The following PCDHGA8 variants were observed in gnomAD, a reference collection of about 807,000 sequenced individuals.
PCDHGA8 encodes the protein protocadherin gamma-A8.
Under a neutral mutation model 59.2 loss-of-function variants are expected in PCDHGA8, and 45 were observed. The observed-to-expected ratio is 0.76, with a 90% confidence interval of 0.60 to 0.98. PCDHGA8 has a LOEUF of 0.98. Ranked by LOEUF, PCDHGA8 falls within the 50% of genes least tolerant of loss-of-function variation. The pLI is 0.00. For synonymous variants in PCDHGA8, 531 were observed against 519.0 expected, an observed-to-expected ratio of 1.02 and a Z score of -0.32; for missense variants, 1,257 against 1,196.2, an observed-to-expected ratio of 1.05 and a Z score of -0.75.
In PCDHGA8 at chr5:141,491,365, T is replaced by A. The variant is rs201011046; in HGVS notation, c.2425-3442T>A. ...CGTCAGTCTCTTATCCCTAGTCACC[T>A]TCACCTTTCTGTCAGCGAAGTGCCT... On this transcript the variant is annotated intron_variant, in intron 1 of 3. Transcript: ENST00000398604. This position sits in a 1 kb window ranked among gnomAD's most constrained non-coding sequence, Gnocchi z 6.9. 1.7e-5 allele frequency: 27 copies of A among 1,614,016 alleles called. No individual in the cohort carries two copies. The highest frequency in any genetic ancestry group is 2.0e-5 in the Non-Finnish European group (24 of 1,179,982).
At position 141,431,495 on chromosome 5, in the gene PCDHGA8, G is replaced by A. The variant is rs557611439; in HGVS notation, c.2424+36258G>A. The A allele has an allele frequency of 4.3e-6, 7 of 1,613,864 alleles. No homozygotes were observed. The highest frequency in any genetic ancestry group is 1.1e-5 in the South Asian group (1 of 91,092). On this transcript the variant is annotated intron_variant, in intron 1 of 3. Coordinates refer to ENST00000398604, the MANE Select transcript of PCDHGA8 (RefSeq NM_032088.2). This position sits in a 1 kb window ranked among gnomAD's most constrained non-coding sequence, Gnocchi z 4.8. ...CAACGCACCAGCGTTTGCTCAGCCC[G>A]AGTACCGCGCGAGCGTTCCGGAGAA...
At chr5:141,463,418 C>A (rs1442067485) in intron 1 of PCDHGA8, among the ~76,000 whole-genome samples, 3 of 138,240 alleles carry the variant, frequency 2.2e-5, no homozygotes, top group Admixed American at 7.4e-5. Context: ...TCCTAGTTTG[C>A]GGATCCTCAT....
Position 141,490,156 on chromosome 5 carries a change from G to T in PCDHGA8, c.2425-4651G>T. On this transcript the variant is annotated intron_variant, in intron 1 of 3. Coordinates refer to ENST00000398604, the MANE Select transcript of PCDHGA8 (RefSeq NM_032088.2). The surrounding 1 kb of genome is among the most constrained non-coding windows in gnomAD (Gnocchi z 5.4). ...TAGCAGTGGGGCAATCCATGTGTTG[G>T]GTCCCATAGACTTTGAGGAGTCACG... is the stretch of plus-strand genomic sequence containing the variant. 3.1e-6 allele frequency: 5 copies of T among 1,614,192 alleles called. No individual in the cohort carries two copies. Among genetic ancestry groups the T allele is most frequent in the Non-Finnish European group, 4.2e-6 (5 of 1,180,034 alleles).
intron 1 of PCDHGA8, among the ~76,000 whole-genome samples, chr5:141,463,460 T>TTTC (rs1554144872): frequency 7.4e-6 from 1 of 136,038 alleles, no homozygotes; most frequent in South Asian, 2.5e-4. Context: ...TTTTTTTTTT[T>TTTC]TTTTTTGAGA....
chr5:141,406,288 G>A (rs72790038), intron 1 of PCDHGA8, among the ~76,000 whole-genome samples: 9,719 of 151,928 alleles, frequency 0.064, 366 homozygotes, highest in African/African-American at 0.1. Context: ...CCAAAGCACT[G>A]GGTGAGGTGT....
rs2099622509 is a variant in PCDHGA8 at position 141,485,988 on chromosome 5, G to T, written c.2425-8819G>T. On this transcript the variant is annotated intron_variant, in intron 1 of 3. Coordinates refer to ENST00000398604, the MANE Select transcript of PCDHGA8 (RefSeq NM_032088.2). The surrounding 1 kb of genome is among the most constrained non-coding windows in gnomAD (Gnocchi z 5.7). The stretch of plus-strand genomic sequence containing the variant: ...CTCAATGCCTCAGACCCGGACCTGG[G>T]TCCCAGTGGTAACGTCACCTTTTAT... 16 of 1,614,188 alleles carry T rather than the reference G, an allele frequency of 9.9e-6. No homozygotes were observed. The highest frequency in any genetic ancestry group is 1.4e-5 in the Non-Finnish European group (16 of 1,180,038).
Position 141,421,478 on chromosome 5 carries a change from G to A in PCDHGA8, c.2424+26241G>A, listed in dbSNP as rs763769838. The A allele has an allele frequency of 2.5e-6, 4 of 1,614,012 alleles. No individual in the cohort carries two copies. In the African/African-American group the frequency reaches 4.0e-5, roughly 16 times the overall value. On this transcript the variant is annotated intron_variant, in intron 1 of 3. Coordinates refer to ENST00000398604, the MANE Select transcript of PCDHGA8 (RefSeq NM_032088.2). ...TTCGCTGTGAATCCGCGAAGCGGCA[G>A]CTTGATCACGGCAGGCAGGATAGAC... is the stretch of plus-strand genomic sequence containing the variant.
At chr5:141,418,828 C>G in intron 1 of PCDHGA8, 1 of 1,613,978 alleles carries the variant, frequency 6.2e-7, no homozygotes, top group Non-Finnish European at 8.5e-7. Flanking sequence ...AAGCAAAAGA[C>G]CGAGGATCTC....
chr5:141,459,992 C>T (rs1327580257), intron 1 of PCDHGA8, among the ~76,000 whole-genome samples: 1 of 152,126 alleles, frequency 6.6e-6, no homozygotes, highest in Admixed American at 6.5e-5. Flanking sequence ...ACAGGAGAAT[C>T]GCTTGAACCC....
intron 1 of PCDHGA8, chr5:141,403,391 G>A: frequency 1.2e-6 from 2 of 1,614,046 alleles, no homozygotes; most frequent in Non-Finnish European, 1.7e-6. Flanking sequence ...CGAAATCGCG[G>A]TTCCTGGAGC....
At chr5:141,430,573 A>T (rs938248057) in intron 1 of PCDHGA8, 2 of 449,056 alleles carry the variant, frequency 4.5e-6, no homozygotes, top group Non-Finnish European at 7.6e-6. Flanking sequence ...AGAAAAGCGG[A>T]GATCCTGCTC....
At position 141,416,083 on chromosome 5, in the gene PCDHGA8, A is replaced by T. The variant is rs183563665; in HGVS notation, c.2424+20846A>T. The T allele has an allele frequency of 1.6e-4, 27 of 167,232 alleles. 1 individual carries two copies. The East Asian group carries it at 3.9e-3, about 24-fold the overall frequency. The allele number at this position is 167,232 out of a possible 1,614,324, so 10.4% of individuals were successfully genotyped here. A position where few individuals can be genotyped will look rare whatever the true frequency, so the allele number is the denominator to read the frequency against. On this transcript the variant is annotated intron_variant, in intron 1 of 3. Transcript: ENST00000398604. Reference sequence around the variant, plus strand: ...AGAATACTCAATGCAGTTCTTCCCAAGGAGAAGGGCAATAGGCCTTTTTCA... The same window carrying T: ...AGAATACTCAATGCAGTTCTTCCCATGGAGAAGGGCAATAGGCCTTTTTCA...
chr5:141,394,797 G>A lies in PCDHGA8; in HGVS notation c.1984G>A (p.Val662Ile), dbSNP rs551668843. The change falls in exon 1 of 4, where the codon GTA becomes ATA. Residue 662 changes from valine to isoleucine, a missense_variant. Physicochemically the swap from Val to Ile is conservative, Grantham distance 29 (BLOSUM62 3). Transcript: ENST00000398604. ...PPLSATVTLT[V>I]AVADSIPEVL... ...TCTCTCCGCCACTGTCACGCTCACCGTAGCCGTGGCTGACAGCATCCCCGA... is the reference window on the plus strand; with the variant it reads ...TCTCTCCGCCACTGTCACGCTCACCATAGCCGTGGCTGACAGCATCCCCGA... 1.2e-6 allele frequency: 2 copies of A among 1,613,798 alleles called. No homozygotes were observed. The highest frequency in any genetic ancestry group is 1.7e-5 in the Admixed American group (1 of 60,028).
rs758216080 is a variant in PCDHGA8, at chr5:141,398,809, C to A, written c.2424+3572C>A. 1.3e-5 allele frequency: 21 copies of A among 1,613,854 alleles called. No individual in the cohort carries two copies. In the South Asian group the frequency reaches 2.1e-4, roughly 16 times the overall value. On this transcript the variant is annotated intron_variant, in intron 1 of 3. Coordinates refer to ENST00000398604, the MANE Select transcript of PCDHGA8 (RefSeq NM_032088.2). ...TCCACCCCTAAGCGGCACCACTGAG[C>A]TCCGGATCCAGGTAACCGACGCCAA...
chr5:141,427,114 A>G (rs767478190), intron 1 of PCDHGA8: 1 of 457,522 alleles, frequency 2.2e-6, no homozygotes, highest in Non-Finnish European at 4.4e-6. Flanking sequence ...GAGATCACCT[A>G]CTCTTTCAAA....
intron 1 of PCDHGA8, among the ~76,000 whole-genome samples, chr5:141,407,629 G>A (rs1025838649): frequency 1.3e-5 from 2 of 151,940 alleles, no homozygotes; most frequent in African/African-American, 4.8e-5. Context: ...TCTATATCTC[G>A]TATTACTTAA....
intron 1 of PCDHGA8, among the ~76,000 whole-genome samples, chr5:141,457,387 T>A (rs530736201): frequency 2.0e-5 from 3 of 152,340 alleles, no homozygotes; most frequent in Non-Finnish European, 2.9e-5. Context: ...AGAACTAGCA[T>A]ATTGATTCAC....
Position 141,476,267 on chromosome 5 carries a change from G to A in PCDHGA8, c.2425-18540G>A, listed in dbSNP as rs373758158. The A allele has an allele frequency of 6.8e-6, 11 of 1,613,938 alleles. No homozygotes were observed. Among genetic ancestry groups the A allele is most frequent in the African/African-American group, 1.3e-5 (1 of 74,884 alleles). On this transcript the variant is annotated intron_variant, in intron 1 of 3. Transcript: ENST00000398604. The surrounding 1 kb of genome is among the most constrained non-coding windows in gnomAD (Gnocchi z 7.6). ...GAAGGGTTTCGCTGTGGGCAACGTG[G>A]TCGCGAACCTTGGTTTGGATCTCGG...
chr5:141,504,583 A>G (rs1230825472), intron 2 of PCDHGA8, among the ~76,000 whole-genome samples: 1 of 146,622 alleles, frequency 6.8e-6, no homozygotes, highest in African/African-American at 2.5e-5. Flanking sequence ...CCATCTGCCC[A>G]GGATTCACAG....
Sources: allele counts gnomAD v4.1 joint callset (sites outside exome capture counted in the v4.1 genomes callset), GRCh38; gene constraint gnomAD v4.1.1; non-coding constraint Gnocchi (gnomAD v3.1); transcripts MANE v1.5; gene names NCBI Gene and HGNC (gene_info 2026-07-23, HGNC 2026-07-21).